The following LY6G6F variants were observed in gnomAD, a reference collection of about 807,000 sequenced individuals.
LY6G6F encodes lymphocyte antigen 6 family member G6F.
LY6G6F carries 26 observed loss-of-function variants against 33.0 expected under a neutral mutation model. The ratio of observed to expected loss-of-function variants is 0.79; its 90% CI spans 0.58 to 1.09. LY6G6F has a LOEUF of 1.09. Ranked by LOEUF, LY6G6F falls within the 50% of genes least tolerant of loss-of-function variation. The pLI is 0.00. For synonymous variants in LY6G6F, 132 were observed against 148.1 expected (o/e 0.89, Z 0.79); for missense variants, 317 against 372.0 (o/e 0.85, Z 1.22).
Position 31,710,018 on chromosome 6 carries a change from T to C in LY6G6F, c.647-8T>C, listed in dbSNP as rs1805908576. On this transcript the variant is annotated splice_region_variant and splice_polypyrimidine_tract_variant and intron_variant, in intron 3 of 5. Transcript: ENST00000375832. This position sits in a 1 kb window ranked among gnomAD's most constrained non-coding sequence, Gnocchi z 4.7. The stretch of plus-strand genomic sequence containing the variant: ...CCTCCCATCCCTCTGGTCTGGCCCT[T>C]ACTACAGCCTCCATCGATGCTTCTC... The C allele has an allele frequency of 3.1e-6, 5 of 1,610,450 alleles. No individual in the cohort carries two copies. The highest frequency in any genetic ancestry group is 4.2e-6 in the Non-Finnish European group (5 of 1,178,508).
chr6:31,710,240 G>C lies in LY6G6F; in HGVS notation c.802+59G>C. ...CACATGGGTGGGAGGCAAAGGGCTA[G>C]GCTCACACCCCGCCTCTGTACCCCA... On this transcript the variant is annotated intron_variant, in intron 4 of 5. Coordinates refer to ENST00000375832, the MANE Select transcript of LY6G6F (RefSeq NM_001003693.3). The surrounding 1 kb of genome is among the most constrained non-coding windows in gnomAD (Gnocchi z 4.7). 6.2e-7 allele frequency: 1 copy of C among 1,610,004 alleles called. No individual in the cohort carries two copies. The highest frequency in any genetic ancestry group is 8.5e-7 in the Non-Finnish European group (1 of 1,177,836).
In LY6G6F at chr6:31,707,593, C is replaced by T; in HGVS notation, c.188C>T (p.Ala63Val). The change falls in exon 2 of 6, where the codon GCC becomes GTC. Residue 63 changes from alanine (A) to valine (V), a missense_variant. By Grantham distance (64) the Ala-to-Val change is moderately conservative. Transcript: ENST00000375832. The surrounding 1 kb of genome is among the most constrained non-coding windows in gnomAD (Gnocchi z 4.1). The stretch of plus-strand genomic sequence containing the variant: ...GCAGGCTCCTTCACCACCCTGGTAG[C>T]CCAAGTCCAAGTGGGCAGGCCAGCC... ...PAAGSFTTLV[A>V]QVQVGRPAPD... 1 of 1,613,908 alleles carries T rather than the reference C, an allele frequency of 6.2e-7. No homozygotes were observed. The highest frequency in any genetic ancestry group is 8.5e-7 in the Non-Finnish European group (1 of 1,179,884).
chr6:31,710,355 C>T lies in LY6G6F; in HGVS notation c.806C>T (p.Ala269Val). 1 of 1,614,030 alleles carries T rather than the reference C, an allele frequency of 6.2e-7. No individual in the cohort carries two copies. The highest frequency in any genetic ancestry group is 1.6e-4 in the Middle Eastern group (1 of 6,062). The change falls in exon 5 of 6, where the codon GCC (alanine) becomes GTC (valine). Residue 269 changes from alanine (A) to valine (V), a missense_variant. Transcript: ENST00000375832. This position sits in a 1 kb window ranked among gnomAD's most constrained non-coding sequence, Gnocchi z 4.7. ...QRVRGAPGRD[A>V]SIPQFKPEIQ... Reference sequence around the variant, plus strand: ...CCTGATGGCTCCTTCTCCCCAGATGCCTCGATTCCTCAGTTCAAACCCGAA... The same window carrying T: ...CCTGATGGCTCCTTCTCCCCAGATGTCTCGATTCCTCAGTTCAAACCCGAA...
chr6:31,710,630 C>T lies in LY6G6F; in HGVS notation c.*39C>T, dbSNP rs371553936. On this transcript the variant is annotated 3_prime_UTR_variant, in exon 6 of 6. Transcript: ENST00000375832. The surrounding 1 kb of genome is among the most constrained non-coding windows in gnomAD (Gnocchi z 4.7). ...TGCTGGGAAGTGTGACCTGCTGTCT[C>T]GCTGGCCATCTGGCACCTGGAAGAT... 8.1e-6 allele frequency: 13 copies of T among 1,613,560 alleles called. No individual in the cohort carries two copies. Among genetic ancestry groups the T allele is most frequent in the Middle Eastern group, 1.6e-4 (1 of 6,070 alleles).
At chr6:31,708,177 A>G (rs1188968249) in intron 3 of LY6G6F, 43 bp downstream of exon 3, 1 of 1,505,396 alleles carries the variant, frequency 6.6e-7, no homozygotes, top group Non-Finnish European at 8.9e-7. Context: ...CTTTCACTTC[A>G]GCCTCCCAAG....
At position 31,707,408 on chromosome 6, in the gene LY6G6F, G is replaced by T. The variant is rs1347026189; in HGVS notation, c.53-50G>T. The T allele has an allele frequency of 3.3e-6, 5 of 1,524,848 alleles. No individual in the cohort carries two copies. The highest frequency in any genetic ancestry group is 2.3e-5 in the East Asian group (1 of 44,162). 94.5% of individuals were successfully genotyped at this position (1,524,848 alleles called of 1,614,324 possible). On this transcript the variant is annotated intron_variant, in intron 1 of 5. Coordinates refer to ENST00000375832, the MANE Select transcript of LY6G6F (RefSeq NM_001003693.3). The surrounding 1 kb of genome is among the most constrained non-coding windows in gnomAD (Gnocchi z 4.1). ...GCCAGGGTTGAAGATCAAATGGGGGGTTATTGATCTGATGGAGGTCTCTGG... is the reference window on the plus strand; with the variant it reads ...GCCAGGGTTGAAGATCAAATGGGGGTTTATTGATCTGATGGAGGTCTCTGG...
Position 31,707,605 on chromosome 6 carries a change from T to TGGGCA in LY6G6F, c.203_207dup (p.Pro70AlafsTer42), listed in dbSNP as rs753266938. On this transcript the variant is annotated frameshift_variant, in exon 2 of 6. Transcript: ENST00000375832. LOFTEE classifies it high-confidence loss of function. The surrounding 1 kb of genome is among the most constrained non-coding windows in gnomAD (Gnocchi z 4.1). The stretch of plus-strand genomic sequence containing the variant: ...ACCACCCTGGTAGCCCAAGTCCAAG[T>TGGGCA]GGGCAGGCCAGCCCCAGACCCTGGA... 1 of 1,613,824 alleles carries TGGGCA rather than the reference T, an allele frequency of 6.2e-7. No homozygotes were observed. Among genetic ancestry groups the TGGGCA allele is most frequent in the Non-Finnish European group, 8.5e-7 (1 of 1,179,864 alleles).
Position 31,707,071 on chromosome 6 carries a change from C to G in LY6G6F, c.52+113C>G. The G allele has an allele frequency of 8.7e-7, 1 of 1,143,464 alleles. No individual in the cohort carries two copies. The highest frequency in any genetic ancestry group is 2.4e-5 in the East Asian group (1 of 42,384). 70.8% of individuals were successfully genotyped at this position (1,143,464 alleles called of 1,614,324 possible). A position where few individuals can be genotyped will look rare whatever the true frequency, so the allele number is the denominator to read the frequency against. On this transcript the variant is annotated intron_variant, in intron 1 of 5. Coordinates refer to ENST00000375832, the MANE Select transcript of LY6G6F (RefSeq NM_001003693.3). This position sits in a 1 kb window ranked among gnomAD's most constrained non-coding sequence, Gnocchi z 4.1. ...ATCTGACTCAAGAAGATAGAATTACCCCAACCAACCTCCTCCTGCCTCTGA... is the reference window on the plus strand; with the variant it reads ...ATCTGACTCAAGAAGATAGAATTACGCCAACCAACCTCCTCCTGCCTCTGA...
At position 31,707,484 on chromosome 6, in the gene LY6G6F, T is replaced by C. The variant is rs757439873; in HGVS notation, c.79T>C (p.Leu27=). 1 of 1,614,142 alleles carries C rather than the reference T, an allele frequency of 6.2e-7. No homozygotes were observed. The highest frequency in any genetic ancestry group is 1.3e-5 in the African/African-American group (1 of 75,038). Residue 27 remains leucine, a synonymous_variant, in exon 2 of 6, where the codon TTG becomes CTG. Coordinates refer to ENST00000375832, the MANE Select transcript of LY6G6F (RefSeq NM_001003693.3). This position sits in a 1 kb window ranked among gnomAD's most constrained non-coding sequence, Gnocchi z 4.1. ...ADNMQAIYVA[L]GEAVELPCPS... The stretch of plus-strand genomic sequence containing the variant: ...CAACATGCAGGCCATCTATGTGGCC[T>C]TGGGGGAGGCAGTAGAGCTGCCATG...
intron 3 of LY6G6F, among the ~76,000 whole-genome samples, chr6:31,708,772 C>T (rs1038830573): frequency 7.2e-5 from 11 of 152,026 alleles, no homozygotes; most frequent in African/African-American, 2.4e-4. Flanking sequence ...ACTAAAAATA[C>T]AAAATTAGCC....
In LY6G6F at chr6:31,706,870, C is replaced by T. The variant is rs1805652142; in HGVS notation, c.-37C>T. The stretch of plus-strand genomic sequence containing the variant: ...GACTCTGCTTCCTCCCTGGGGACAC[C>T]AGGTCTTGGAGCAAGAGAACTTGGC... On this transcript the variant is annotated 5_prime_UTR_variant, in exon 1 of 6. Coordinates refer to ENST00000375832, the MANE Select transcript of LY6G6F (RefSeq NM_001003693.3). 2 of 1,610,926 alleles carry T rather than the reference C, an allele frequency of 1.2e-6. 1 individual carries two copies. The highest frequency in any genetic ancestry group is 2.2e-5 in the South Asian group (2 of 91,012).
intron 3 of LY6G6F, among the ~76,000 whole-genome samples, chr6:31,708,926 C>CAAA (rs28383871): frequency 2.1e-4 from 32 of 149,894 alleles, no homozygotes; most frequent in African/African-American, 6.6e-4. Flanking sequence ...AGCTCTATCT[C>CAAA]AAAAAAAAAA....
rs774077591 is a variant in LY6G6F, at chr6:31,707,866, T to C, written c.383-5T>C. 5.6e-6 allele frequency: 9 copies of C among 1,612,590 alleles called. No individual in the cohort carries two copies. The highest frequency in any genetic ancestry group is 7.6e-6 in the Non-Finnish European group (9 of 1,178,974). ...AGAACTGAGGAATCCCTCTCTCCCC[T>C]ACAGGATCCCAGTTATCTGCAAGGG... On this transcript the variant is annotated splice_region_variant and splice_polypyrimidine_tract_variant and intron_variant, in intron 2 of 5. Transcript: ENST00000375832. The surrounding 1 kb of genome is among the most constrained non-coding windows in gnomAD (Gnocchi z 4.1).
chr6:31,707,625 C>T lies in LY6G6F; in HGVS notation c.220C>T (p.Pro74Ser). Residue 74 changes from proline (P) to serine (S), a missense_variant, in exon 2 of 6, where the codon CCT becomes TCT. By Grantham distance (74) the Pro-to-Ser change is moderately conservative. Coordinates refer to ENST00000375832, the MANE Select transcript of LY6G6F (RefSeq NM_001003693.3). This position sits in a 1 kb window ranked among gnomAD's most constrained non-coding sequence, Gnocchi z 4.1. ...QVQVGRPAPDPGKPGRESRLR... is the reference protein window; with the variant it reads ...QVQVGRPAPDSGKPGRESRLR... ...CCAAGTGGGCAGGCCAGCCCCAGACCCTGGAAAACCAGGAAGGGAATCCAG... is the reference window on the plus strand; with the variant it reads ...CCAAGTGGGCAGGCCAGCCCCAGACTCTGGAAAACCAGGAAGGGAATCCAG... 8 of 1,613,786 alleles carry T rather than the reference C, an allele frequency of 5.0e-6. No homozygotes were observed. Among genetic ancestry groups the T allele is most frequent in the Non-Finnish European group, 5.9e-6 (7 of 1,179,822 alleles).
In LY6G6F at chr6:31,710,435, G is replaced by A. The variant is rs745956516; in HGVS notation, c.869+17G>A. 1.9e-6 allele frequency: 3 copies of A among 1,614,166 alleles called. No homozygotes were observed. The highest frequency in any genetic ancestry group is 1.1e-5 in the South Asian group (1 of 91,082). ...CCGTCTTGGGTGAGGAACAGCTAGG[G>A]AACAGAGGCTTAAATCCTGGAGGGG... On this transcript the variant is annotated intron_variant, in intron 5 of 5. Transcript: ENST00000375832. This position sits in a 1 kb window ranked among gnomAD's most constrained non-coding sequence, Gnocchi z 4.7.
At position 31,710,529 on chromosome 6, in the gene LY6G6F, G is replaced by A. The variant is rs1193355231; in HGVS notation, c.870-38G>A. On this transcript the variant is annotated intron_variant, in intron 5 of 5. Transcript: ENST00000375832. The surrounding 1 kb of genome is among the most constrained non-coding windows in gnomAD (Gnocchi z 4.7). ...CTCGTTCCTGAGGATGTGAAAAGTA[G>A]AGGTATCCTTAATCTGTCTCTCTGG... 1.2e-6 allele frequency: 2 copies of A among 1,614,124 alleles called. No individual in the cohort carries two copies. The highest frequency in any genetic ancestry group is 2.2e-5 in the East Asian group (1 of 44,894).
chr6:31,709,827 G>C (rs1443806312), intron 3 of LY6G6F, among the ~76,000 whole-genome samples, 199 bp from the exon 4 acceptor site: 1 of 152,212 alleles, frequency 6.6e-6, no homozygotes, highest in Admixed American at 6.5e-5. Context: ...CACTGTGCCT[G>C]GCCGCCATTC....
Position 31,707,558 on chromosome 6 carries a change from C to T in LY6G6F, c.153C>T (p.Cys51=). The change falls in exon 2 of 6, where the codon TGC becomes TGT. Residue 51 remains cysteine, a synonymous_variant. Transcript: ENST00000375832. The surrounding 1 kb of genome is among the most constrained non-coding windows in gnomAD (Gnocchi z 4.1). The stretch of plus-strand genomic sequence containing the variant: ...GGGACGAACACCTGTCATGGTTCTG[C>T]AGCCCTGCAGCAGGCTCCTTCACCA... The part of the protein sequence containing the change: ...LHGDEHLSWF[C]SPAAGSFTTL... 6.2e-7 allele frequency: 1 copy of T among 1,614,062 alleles called. No homozygotes were observed. The highest frequency in any genetic ancestry group is 8.5e-7 in the Non-Finnish European group (1 of 1,179,970).
At chr6:31,709,892 G>A in intron 3 of LY6G6F, 134 bp from the exon 4 acceptor site, 3 of 901,712 alleles carry the variant, frequency 3.3e-6, no homozygotes, top group Non-Finnish European at 5.0e-6. Context: ...GGAGGATATT[G>A]TGGGCAGGGA....
Sources: gnomAD v4.1 joint callset for allele counts (sites outside exome capture counted in the v4.1 genomes callset) on GRCh38, gnomAD v4.1.1 for gene constraint, Gnocchi (gnomAD v3.1) non-coding constraint, MANE v1.5 for transcripts, NCBI Gene and HGNC (gene_info 2026-07-23, HGNC 2026-07-21) for gene names.